The following DUSP10 variants were observed in gnomAD, a reference collection of about 807,000 sequenced individuals.
DUSP10 encodes dual specificity protein phosphatase 10.
DUSP10 carries 14 observed loss-of-function variants against 30.8 expected under a neutral mutation model. The observed-to-expected ratio is 0.46, with a 90% CI of 0.30 to 0.71. The LOEUF (loss-of-function observed/expected upper bound fraction) is 0.71. Ranked by LOEUF, DUSP10 falls within the 30% of genes least tolerant of loss-of-function variation. The pLI is 0.08. For synonymous variants in DUSP10, 254 were observed against 250.4 expected, an observed-to-expected ratio of 1.01 and a Z score of -0.14; for missense variants, 550 against 619.4, an observed-to-expected ratio of 0.89 and a Z score of 1.19.
In DUSP10 at chr1:221,740,182, G is replaced by A. The variant is rs913652781; in HGVS notation, c.-43-395C>T. Among the ~76,000 whole-genome samples, 5 of 152,184 alleles carry A rather than the reference G, an allele frequency of 3.3e-5. No homozygotes were observed. In the South Asian group the frequency reaches 6.2e-4, roughly 19 times the overall value. ...GGGCAGAAGTACACTGCAAACATCT[G>A]AGAAAGACCCATTTGTCCACCCTTG... On this transcript the variant is annotated intron_variant, in intron 1 of 3. Transcript: ENST00000366899.
Position 221,702,472 on chromosome 1 carries a change from G to T in DUSP10, c.1389C>A (p.Asn463Lys). 6.2e-7 allele frequency: 1 copy of T among 1,614,118 alleles called. No homozygotes were observed. Among genetic ancestry groups the T allele is most frequent in the South Asian group, 1.1e-5 (1 of 91,076 alleles). ...GQLLEFEEDL[N>K]NGVTPRILTP... ...TAAGGATTCTCGGTGTCACACCGTT[G>T]TTTAGGTCTTCCTCGAACTCTAGCA... The change falls in exon 4 of 4, where the codon AAC (asparagine) becomes AAA (lysine). Residue 463 changes from asparagine (N) to lysine (K), a missense_variant. Physicochemically the swap from Asn to Lys is moderately conservative, Grantham distance 94. Coordinates refer to ENST00000366899, the MANE Select transcript of DUSP10 (RefSeq NM_007207.6). The surrounding 1 kb of genome is among the most constrained non-coding windows in gnomAD (Gnocchi z 4.5).
At chr1:221,738,298 T>C (rs1661839722) in intron 2 of DUSP10, among the ~76,000 whole-genome samples, 1 of 152,106 alleles carries the variant, frequency 6.6e-6, no homozygotes, top group Non-Finnish European at 1.5e-5. Context: ...GGTTGGGGAG[T>C]GTTTCATAAA....
rs1199702125 is a variant in DUSP10, at chr1:221,706,680, T to C, written c.812-214A>G. Among the ~76,000 whole-genome samples, 1 of 151,332 alleles carries C rather than the reference T, an allele frequency of 6.6e-6. No individual in the cohort carries two copies. The highest frequency in any genetic ancestry group is 1.5e-5 in the Non-Finnish European group (1 of 67,798). On this transcript the variant is annotated intron_variant, in intron 2 of 3. Transcript: ENST00000366899. The surrounding 1 kb of genome is among the most constrained non-coding windows in gnomAD (Gnocchi z 4.6). ...GAGACCCAAGACAAGCTTCGGGGAG[T>C]ATCACTGCATGGAACACTTTGGAAA...
intron 2 of DUSP10, among the ~76,000 whole-genome samples, chr1:221,712,906 G>C (rs1339411312): frequency 6.6e-6 from 1 of 151,512 alleles, no homozygotes; most frequent in African/African-American, 2.4e-5. Context: ...CTATAAAATA[G>C]GATACTACTA....
intron 2 of DUSP10, among the ~76,000 whole-genome samples, chr1:221,732,830 G>A (rs1161177774): frequency 1.3e-5 from 2 of 152,164 alleles, no homozygotes; most frequent in East Asian, 1.9e-4. Flanking sequence ...CTGGACACAC[G>A]AACTGGGCAT....
At chr1:221,734,172 G>A (rs750737164) in intron 2 of DUSP10, among the ~76,000 whole-genome samples, 1 of 152,122 alleles carries the variant, frequency 6.6e-6, no homozygotes, top group Admixed American at 6.5e-5. Flanking sequence ...ATGATGAGAG[G>A]CAACAAAAAG....
intron 2 of DUSP10, among the ~76,000 whole-genome samples, chr1:221,731,028 C>T (rs567020728): frequency 6.6e-6 from 1 of 152,162 alleles, no homozygotes; most frequent in African/African-American, 2.4e-5. Context: ...TAATGAAATT[C>T]AGGCTACAGG....
At position 221,739,067 on chromosome 1, in the gene DUSP10, C is replaced by A. The variant is rs770427710; in HGVS notation, c.678G>T (p.Lys226Asn). The change falls in exon 2 of 4, where the codon AAG becomes AAT. Residue 226 changes from lysine to asparagine, a missense_variant. Physicochemically the swap from Lys to Asn is moderately conservative, Grantham distance 94 (BLOSUM62 0). Coordinates refer to ENST00000366899, the MANE Select transcript of DUSP10 (RefSeq NM_007207.6). ...ISCREGKDSF[K>N]RIFSKEIIVY... ...CTATAATTTCTTTGGAAAAGATCCT[C>A]TTGAAAGAGTCCTTGCCTTCCCTAC... 3.1e-6 allele frequency: 5 copies of A among 1,614,216 alleles called. No homozygotes were observed. The Admixed American group carries it at 6.7e-5, about 22-fold the overall frequency.
intron 2 of DUSP10, among the ~76,000 whole-genome samples, chr1:221,719,189 C>A (rs1269476095): frequency 1.3e-5 from 2 of 152,190 alleles, no homozygotes; most frequent in Admixed American, 6.5e-5. Flanking sequence ...ATGTCAGCAT[C>A]AAAATTTGAA....
chr1:221,732,832 A>C (rs533936818), intron 2 of DUSP10, among the ~76,000 whole-genome samples: 12 of 152,308 alleles, frequency 7.9e-5, no homozygotes, highest in African/African-American at 2.9e-4. Context: ...GGACACACGA[A>C]CTGGGCATCA....
chr1:221,737,250 C>T, intron 2 of DUSP10: 1 of 985,350 alleles, frequency 1.0e-6, no homozygotes, highest in African/African-American at 1.7e-5. Context: ...AAAAGACTTG[C>T]TTTTTATCAT....
intron 2 of DUSP10, among the ~76,000 whole-genome samples, chr1:221,727,012 A>C (rs1661442485): frequency 6.6e-6 from 1 of 152,154 alleles, no homozygotes; most frequent in Non-Finnish European, 1.5e-5. Context: ...TTCTCAATTG[A>C]GCCCATGAGA....
Position 221,706,312 on chromosome 1 carries a change from G to T in DUSP10, c.966C>A (p.Leu322=). The T allele has an allele frequency of 6.2e-7, 1 of 1,614,122 alleles. No individual in the cohort carries two copies. The highest frequency in any genetic ancestry group is 8.5e-7 in the Non-Finnish European group (1 of 1,179,966). Residue 322 remains leucine, a synonymous_variant, in exon 3 of 4, where the codon CTC becomes CTA. Coordinates refer to ENST00000366899, the MANE Select transcript of DUSP10 (RefSeq NM_007207.6). This position sits in a 1 kb window ranked among gnomAD's most constrained non-coding sequence, Gnocchi z 4.6. The part of the protein sequence containing the change: ...PTTPDIENAE[L]TPILPFLFLG... ...GGAACAGGAAGGGCAAGATGGGGGT[G>T]AGCTCAGCGTTCTCGATGTCAGGGG...
intron 2 of DUSP10, among the ~76,000 whole-genome samples, chr1:221,730,734 A>G (rs1244011852): frequency 6.6e-6 from 1 of 152,120 alleles, no homozygotes; most frequent in Non-Finnish European, 1.5e-5. Flanking sequence ...CATACGCTCA[A>G]AGTTTCTTTT....
intron 1 of DUSP10, among the ~76,000 whole-genome samples, chr1:221,740,033 T>C (rs998181786): frequency 6.6e-6 from 1 of 152,230 alleles, no homozygotes; most frequent in African/African-American, 2.4e-5. Flanking sequence ...TAAATGTTAA[T>C]GAACAACCTT....
intron 2 of DUSP10, among the ~76,000 whole-genome samples, chr1:221,713,515 G>C (rs1230593024): frequency 6.6e-6 from 1 of 152,120 alleles, no homozygotes; most frequent in Non-Finnish European, 1.5e-5. Context: ...GTACAGAAAA[G>C]TTATCACACA....
intron 2 of DUSP10, among the ~76,000 whole-genome samples, chr1:221,738,726 T>C (rs555521318): frequency 2.0e-5 from 3 of 152,312 alleles, no homozygotes; most frequent in Non-Finnish European, 4.4e-5. Context: ...AAATGAAGGG[T>C]AGAACCCAGA....
intron 2 of DUSP10, chr1:221,737,038 G>A: frequency 5.1e-6 from 5 of 985,440 alleles, no homozygotes; most frequent in Non-Finnish European, 6.0e-6. Context: ...GCATCCACAG[G>A]AAAGGGAGAG....
rs1660642033 is a variant in DUSP10, at chr1:221,702,665, T to C, written c.1196A>G (p.Gln399Arg). 6.2e-7 allele frequency: 1 copy of C among 1,613,696 alleles called. No homozygotes were observed. Among genetic ancestry groups the C allele is most frequent in the South Asian group, 1.1e-5 (1 of 91,072 alleles). ...GTGGATGAGAAGCCCCTTCCCACAC[T>C]GGTGAGCTTCCTCTGAAAAAAGGGA... Reference protein sequence around the residue: ...EAFEFIEEAHQCGKGLLIHCQ... With the variant: ...EAFEFIEEAHRCGKGLLIHCQ... The change falls in exon 4 of 4, where the codon CAG becomes CGG. Residue 399 changes from glutamine to arginine, a missense_variant. Transcript: ENST00000366899. The surrounding 1 kb of genome is among the most constrained non-coding windows in gnomAD (Gnocchi z 4.5).
Sources: allele counts gnomAD v4.1 joint callset (sites outside exome capture counted in the v4.1 genomes callset), GRCh38; gene constraint gnomAD v4.1.1; non-coding constraint Gnocchi (gnomAD v3.1); transcripts MANE v1.5; gene names NCBI Gene and HGNC (gene_info 2026-07-23, HGNC 2026-07-21).